The following PAK4 variants were observed in gnomAD, a reference collection of about 807,000 sequenced individuals.
The protein encoded by PAK4 is serine/threonine-protein kinase PAK 4.
In PAK4, 49 loss-of-function variants were observed where a neutral mutation model predicts 53.5. That is an observed-to-expected ratio of 0.92 (90% confidence interval 0.73 to 1.16). PAK4 has a LOEUF of 1.16. Ranked by LOEUF, PAK4 falls within the 50% of genes most tolerant of loss-of-function variation. The pLI, the probability that PAK4 is intolerant of heterozygous loss-of-function variation, is 0.00. For missense variants in PAK4, 824 were observed against 850.7 expected (o/e 0.97, Z 0.39); for synonymous variants, 376 against 375.6 (o/e 1.00, Z -0.01).
At chr19:39,155,669 C>T (rs868695631) in intron 1 of PAK4, among the ~76,000 whole-genome samples, 10 of 152,230 alleles carry the variant, frequency 6.6e-5, no homozygotes, top group Middle Eastern at 3.4e-3. Context: ...TGTTCCTGAA[C>T]GGGGGTTCTG....
chr19:39,169,413 G>A, intron 1 of PAK4, 119 bp from the exon 3 acceptor site: 1 of 729,208 alleles, frequency 1.4e-6, no homozygotes, highest in South Asian at 1.7e-5. Flanking sequence ...AGACCCAGAA[G>A]GAGGCTACTG....
intron 1 of PAK4, among the ~76,000 whole-genome samples, chr19:39,166,199 G>T (rs1333966830): frequency 6.6e-6 from 1 of 152,258 alleles, no homozygotes; most frequent in Non-Finnish European, 1.5e-5. Flanking sequence ...GCTCACGCCT[G>T]TAATCCTAAC....
At chr19:39,144,089 A>G (rs2073956874) in intron 1 of PAK4, among the ~76,000 whole-genome samples, 2 of 150,396 alleles carry the variant, frequency 1.3e-5, no homozygotes, top group African/African-American at 2.5e-5. Flanking sequence ...GCAAGACCCT[A>G]TCTCAGGTAG....
intron 2 of PAK4, among the ~76,000 whole-genome samples, chr19:39,170,264 A>G (rs1162324181): frequency 6.6e-6 from 1 of 151,870 alleles, no homozygotes; most frequent in Non-Finnish European, 1.5e-5. Context: ...CCCAGGGCTG[A>G]GGAGGAGGAG....
In PAK4 at chr19:39,178,138, C is replaced by G. The variant is rs948344037; in HGVS notation, c.1621-286C>G. On this transcript the variant is annotated intron_variant, in intron 8 of 8. Coordinates refer to ENST00000358301, the Ensembl canonical transcript of PAK4. The surrounding 1 kb of genome is among the most constrained non-coding windows in gnomAD (Gnocchi z 4.4). The stretch of plus-strand genomic sequence containing the variant: ...CTTGCCAGGAGGGAAAGGGGCACCT[C>G]TGGGCCCCAGTTGCTTTCAGCTTCT... Among the ~76,000 whole-genome samples, 1 of 152,144 alleles carries G rather than the reference C, an allele frequency of 6.6e-6. No individual in the cohort carries two copies. The highest frequency in any genetic ancestry group is 2.4e-5 in the African/African-American group (1 of 41,416).
chr19:39,139,983 A>G (rs1234862157), intron 1 of PAK4, among the ~76,000 whole-genome samples: 1 of 152,088 alleles, frequency 6.6e-6, no homozygotes, highest in East Asian at 1.9e-4. Context: ...CGCTACGGGG[A>G]CATGTGACTG....
intron 1 of PAK4, among the ~76,000 whole-genome samples, chr19:39,129,234 G>C (rs4803207): frequency 0.36 from 55,181 of 151,420 alleles, 10,167 homozygotes; most frequent in Middle Eastern, 0.41. Context: ...GAGTCTGGAT[G>C]TCTCTTGGTG....
chr19:39,169,645 A>C, exon 2 of PAK4: 2 of 1,613,338 alleles, frequency 1.2e-6, no homozygotes, highest in Non-Finnish European at 1.7e-6. Flanking sequence ...CACGAGCAGA[A>C]GTTCACGGGG....
At chr19:39,158,142 C>T (rs369254296) in intron 1 of PAK4, among the ~76,000 whole-genome samples, 12 of 149,398 alleles carry the variant, frequency 8.0e-5, no homozygotes, top group Admixed American at 2.7e-4. Flanking sequence ...CATGTGTGAG[C>T]GTGCGTGTGT....
chr19:39,147,958 T>C (rs200859345), intron 1 of PAK4, among the ~76,000 whole-genome samples: 35,787 of 140,370 alleles, frequency 0.25, 5,604 homozygotes, highest in East Asian at 0.35. Flanking sequence ...CTCTCTCTTT[T>C]TTTTTTTTTT....
intron 1 of PAK4, among the ~76,000 whole-genome samples, chr19:39,148,472 T>TTTTTTTTTTTTTTTTTTTTTTTTTTTG (rs2074041626): frequency 9.6e-6 from 1 of 104,156 alleles, no homozygotes; most frequent in Non-Finnish European, 1.9e-5. Flanking sequence ...TCTGCTTTTT[T>TTTTTTTTTTTTTTTTTTTTTTTTTTTG]TTTTTTTTTT....
rs200534045 is a variant in PAK4 at position 39,173,732 on chromosome 19, C to G, written c.820C>G (p.Pro274Ala). The G allele has an allele frequency of 8.1e-5, 127 of 1,575,588 alleles. 1 individual carries two copies. The African/African-American group carries it at 1.5e-3, about 18-fold the overall frequency. Residue 274 changes from proline to alanine, a missense_variant, in exon 4 of 9, where the codon CCA becomes GCA. Physicochemically the swap from Pro to Ala is conservative, Grantham distance 27 (BLOSUM62 -1). Coordinates refer to ENST00000358301, the Ensembl canonical transcript of PAK4. This position sits in a 1 kb window ranked among gnomAD's most constrained non-coding sequence, Gnocchi z 6.9. ...CGCCTCAGAGCCCCAGCTGGCCCCTCCAGCCTGCACCCCCGCCGCCCCTGC... is the reference window on the plus strand; with the variant it reads ...CGCCTCAGAGCCCCAGCTGGCCCCTGCAGCCTGCACCCCCGCCGCCCCTGC...
At chr19:39,146,582 A>C (rs2074002410) in intron 1 of PAK4, among the ~76,000 whole-genome samples, 1 of 152,218 alleles carries the variant, frequency 6.6e-6, no homozygotes, top group African/African-American at 2.4e-5. Context: ...TCACGCCTGT[A>C]ATTCCACCCC....
rs761606073 is a variant in PAK4, at chr19:39,174,025, G to C, written c.1098+15G>C. 1.3e-6 allele frequency: 2 copies of C among 1,494,084 alleles called. No homozygotes were observed. The highest frequency in any genetic ancestry group is 2.0e-5 in the Admixed American group (1 of 50,552). The allele number at this position is 1,494,084 out of a possible 1,614,324, so 92.6% of individuals were successfully genotyped here. A position where few individuals can be genotyped will look rare whatever the true frequency, so the allele number is the denominator to read the frequency against. On this transcript the variant is annotated intron_variant, in intron 4 of 8. Transcript: ENST00000358301. ...TCTTCAACGAGGTGCGGGCGCTGCTGCCCTGCCGCCCTGCTGGTCCTCCCA... is the reference window on the plus strand; with the variant it reads ...TCTTCAACGAGGTGCGGGCGCTGCTCCCCTGCCGCCCTGCTGGTCCTCCCA...
At chr19:39,147,127 A>T (rs2074014373) in intron 1 of PAK4, among the ~76,000 whole-genome samples, 2 of 69,224 alleles carry the variant, frequency 2.9e-5, no homozygotes, top group African/African-American at 9.9e-5. Context: ...TGTCAGTCAC[A>T]AGGATCCCTC....
chr19:39,181,820 GA>G (rs2074703139), downstream of PAK4: 2 of 152,436 alleles, frequency 1.3e-5, no homozygotes, highest in African/African-American at 4.8e-5. Flanking sequence ...GGAGGCCCAG[GA>G]GGGGCACAGG....
At chr19:39,163,354 C>T (rs2074315510) in intron 1 of PAK4, among the ~76,000 whole-genome samples, 1 of 152,212 alleles carries the variant, frequency 6.6e-6, no homozygotes, top group Admixed American at 6.5e-5. Context: ...GGGCCAGCCC[C>T]CTCCCTTCCA....
At chr19:39,137,214 C>T (rs975432211) in intron 1 of PAK4, among the ~76,000 whole-genome samples, 60 of 152,048 alleles carry the variant, frequency 3.9e-4, no homozygotes, top group Admixed American at 3.4e-3. Context: ...TCCAGGGATG[C>T]GGTGGTGGAT....
intron 1 of PAK4, among the ~76,000 whole-genome samples, chr19:39,163,024 G>A (rs1383025982): frequency 1.3e-5 from 2 of 152,132 alleles, no homozygotes; most frequent in Non-Finnish European, 2.9e-5. Context: ...TTGGAGGCAG[G>A]AATGGCTTGG....
Sources: gnomAD v4.1 joint callset for allele counts (sites outside exome capture counted in the v4.1 genomes callset) on GRCh38, gnomAD v4.1.1 for gene constraint, Gnocchi (gnomAD v3.1) non-coding constraint, MANE v1.5 for transcripts, NCBI Gene and HGNC (gene_info 2026-07-23, HGNC 2026-07-21) for gene names.